The following GPC6 variants were observed in gnomAD, a reference collection of about 807,000 sequenced individuals.
The protein encoded by GPC6 is glypican-6.
Under a neutral mutation model 55.2 loss-of-function variants are expected in GPC6, and 14 were observed. The ratio of observed to expected loss-of-function variants is 0.25; its 90% CI spans 0.17 to 0.40. The LOEUF (loss-of-function observed/expected upper bound fraction) is 0.40. Ranked by LOEUF, GPC6 falls within the 10% of genes least tolerant of loss-of-function variation. GPC6 has a pLI of 1.00. For missense variants in GPC6, 641 were observed against 708.5 expected, an observed-to-expected ratio of 0.90 and a Z score of 1.08; for synonymous variants, 278 against 259.6, an observed-to-expected ratio of 1.07 and a Z score of -0.68.
chr13:94,345,816 C>T (rs756332447), intron 6 of GPC6, among the ~76,000 whole-genome samples: 22 of 152,284 alleles, frequency 1.4e-4, no homozygotes, highest in South Asian at 2.1e-4. Context: ...GTACCACAAA[C>T]GGAGTGGCTT....
rs201145748 is a variant in GPC6, at chr13:93,830,209, A to G, written c.375A>G (p.Val125=). Reference sequence around the variant, plus strand: ...AAAAGTCACTAAATGATATGTTTGTACGGACCTATGGCATGCTGTACATGC... The same window carrying G: ...AAAAGTCACTAAATGATATGTTTGTGCGGACCTATGGCATGCTGTACATGC... ...NAEKSLNDMF[V]RTYGMLYMQN... Residue 125 remains valine (V), a synonymous_variant, in exon 3 of 9, where the codon GTA becomes GTG. Transcript: ENST00000377047. The G allele has an allele frequency of 8.1e-6, 13 of 1,608,928 alleles. No individual in the cohort carries two copies. In the East Asian group the frequency reaches 2.5e-4, roughly 30 times the overall value.
At chr13:93,389,218 C>T (rs978927649) in intron 1 of GPC6, among the ~76,000 whole-genome samples, 3 of 151,976 alleles carry the variant, frequency 2.0e-5, no homozygotes, top group Non-Finnish European at 4.4e-5. Context: ...ATATATGCTG[C>T]CAGGCACGGT....
intron 4 of GPC6, among the ~76,000 whole-genome samples, chr13:94,040,545 GA>G (rs1192425343): frequency 2.6e-5 from 4 of 151,946 alleles, no homozygotes; most frequent in Non-Finnish European, 4.4e-5. Flanking sequence ...CATTAAAGGT[GA>G]AAGCCATGAA....
chr13:93,695,885 G>A (rs1594378995), intron 2 of GPC6, among the ~76,000 whole-genome samples: 1 of 151,992 alleles, frequency 6.6e-6, no homozygotes, highest in Non-Finnish European at 1.5e-5. Flanking sequence ...TGTTCTTATA[G>A]TTAGAAGGTA....
chr13:93,630,192 G>T (rs1204021642), intron 2 of GPC6, among the ~76,000 whole-genome samples: 1 of 152,200 alleles, frequency 6.6e-6, no homozygotes, highest in Non-Finnish European at 1.5e-5. Flanking sequence ...TTACTCAAGA[G>T]ACTTAGTATT....
intron 4 of GPC6, among the ~76,000 whole-genome samples, chr13:94,124,304 A>G (rs542513782): frequency 6.6e-6 from 1 of 152,198 alleles, no homozygotes; most frequent in South Asian, 2.1e-4. Flanking sequence ...AATTGTGTGC[A>G]TCTTGGTCAT....
intron 1 of GPC6, among the ~76,000 whole-genome samples, chr13:93,534,812 T>G (rs1200024898): frequency 1.3e-5 from 2 of 152,196 alleles, no homozygotes; most frequent in Non-Finnish European, 2.9e-5. Flanking sequence ...AACTTCCTGG[T>G]AGAACTCCCT....
chr13:94,398,609 A>G lies in GPC6; in HGVS notation c.1433A>G (p.Tyr478Cys), dbSNP rs1880998696. The change falls in exon 8 of 9, where the codon TAC becomes TGC. Residue 478 changes from tyrosine (Y) to cysteine (C), a missense_variant. By Grantham distance (194) the Tyr-to-Cys change is radical. Transcript: ENST00000377047. ...RVMTNKLKNA[Y>C]NGNDVNFQDT... ...ATGACCAACAAACTAAAAAACGCCT[A>G]CAATGGCAATGATGTCAATTTCCAG... is the stretch of plus-strand genomic sequence containing the variant. The G allele has an allele frequency of 6.2e-7, 1 of 1,614,182 alleles. No homozygotes were observed. The highest frequency in any genetic ancestry group is 8.5e-7 in the Non-Finnish European group (1 of 1,179,984).
rs560678787 is a variant in GPC6 at position 94,248,324 on chromosome 13, G to C, written c.878-38025G>C. On this transcript the variant is annotated intron_variant, in intron 4 of 8. Transcript: ENST00000377047. Reference sequence around the variant, plus strand: ...CGTTTGGATGAATGCTTCCAAATTTGGTTAAATTGTTTGCAGAGATTTTTA... The same window carrying C: ...CGTTTGGATGAATGCTTCCAAATTTCGTTAAATTGTTTGCAGAGATTTTTA... Among the ~76,000 whole-genome samples, 4 of 152,082 alleles carry C rather than the reference G, an allele frequency of 2.6e-5. No homozygotes were observed. The East Asian group carries it at 5.8e-4, about 22-fold the overall frequency.
At chr13:94,131,916 AG>A (rs1324341087) in intron 4 of GPC6, among the ~76,000 whole-genome samples, 4 of 152,232 alleles carry the variant, frequency 2.6e-5, no homozygotes, top group Non-Finnish European at 5.9e-5. Context: ...AGGATTTCAT[AG>A]TCAAATAGTT....
At chr13:93,649,460 T>G (rs552179915) in intron 2 of GPC6, among the ~76,000 whole-genome samples, 2 of 152,260 alleles carry the variant, frequency 1.3e-5, no homozygotes, top group African/African-American at 4.8e-5. Context: ...AGCTCATGTT[T>G]TAGCTCATGT....
chr13:94,177,429 A>G (rs1888817858), intron 4 of GPC6, among the ~76,000 whole-genome samples: 3 of 152,154 alleles, frequency 2.0e-5, no homozygotes, highest in Admixed American at 2.0e-4. Flanking sequence ...GCTCCTACAT[A>G]TTGATTTTTC....
chr13:93,888,962 A>G (rs1376841007), intron 3 of GPC6, among the ~76,000 whole-genome samples: 1 of 152,158 alleles, frequency 6.6e-6, no homozygotes, highest in African/African-American at 2.4e-5. Flanking sequence ...CACAAAAGAT[A>G]TATTTACAAT....
intron 3 of GPC6, among the ~76,000 whole-genome samples, chr13:93,869,407 G>A (rs1345032316): frequency 6.6e-6 from 1 of 151,836 alleles, no homozygotes; most frequent in Non-Finnish European, 1.5e-5. Flanking sequence ...GCCACCCCAT[G>A]AGGCTGTCAT....
chr13:94,250,109 G>A (rs1891306035), intron 4 of GPC6, among the ~76,000 whole-genome samples: 1 of 152,130 alleles, frequency 6.6e-6, no homozygotes, highest in Non-Finnish European at 1.5e-5. Flanking sequence ...TAAGCACTGT[G>A]GATGAACACC....
chr13:93,242,252 C>T (rs1214090836), intron 1 of GPC6, among the ~76,000 whole-genome samples: 1 of 152,146 alleles, frequency 6.6e-6, no homozygotes, highest in African/African-American at 2.4e-5. Flanking sequence ...ATGAAATGCA[C>T]TGAGGTCTTC....
At chr13:93,630,168 T>C (rs1879370447) in intron 2 of GPC6, among the ~76,000 whole-genome samples, 4 of 152,226 alleles carry the variant, frequency 2.6e-5, no homozygotes, top group Admixed American at 2.6e-4. Flanking sequence ...ACTGTGCATA[T>C]GACATAAGCT....
intron 1 of GPC6, among the ~76,000 whole-genome samples, chr13:93,418,389 C>T (rs1876783736): frequency 6.6e-6 from 1 of 151,116 alleles, no homozygotes; most frequent in Non-Finnish European, 1.5e-5. Flanking sequence ...TTATTAATAA[C>T]ACTATACCGT....
chr13:93,909,244 C>CA lies in GPC6; in HGVS notation c.711+78704dup, dbSNP rs1203950713. On this transcript the variant is annotated intron_variant, in intron 3 of 8. Transcript: ENST00000377047. ...TCTGCAAGTAAATGCTTGAATCATA[C>CA]AAAAACACACTCTATTCAAAGTAAA... Among the ~76,000 whole-genome samples, 15 of 152,204 alleles carry CA rather than the reference C, an allele frequency of 9.9e-5. No homozygotes were observed. In the East Asian group the frequency reaches 2.9e-3, roughly 29 times the overall value.
Sources: allele counts gnomAD v4.1 joint callset (sites outside exome capture counted in the v4.1 genomes callset), GRCh38; gene constraint gnomAD v4.1.1; transcripts MANE v1.5; gene names NCBI Gene and HGNC (gene_info 2026-07-23, HGNC 2026-07-21).